NRG3: variants seen among roughly 807,000 people sequenced by gnomAD.
NRG3 encodes pro-neuregulin-3, membrane-bound isoform.
Under a neutral mutation model 66.9 loss-of-function variants are expected in NRG3, and 31 were observed. That is an observed-to-expected ratio of 0.46 (90% CI 0.35 to 0.63). NRG3 has a LOEUF of 0.63. NRG3 is among the 20% of genes least tolerant of loss of function. The pLI is 0.00. For missense variants in NRG3, 910 were observed against 878.9 expected (o/e 1.04, Z -0.45); for synonymous variants, 393 against 359.4 (o/e 1.09, Z -1.06).
At chr10:82,527,543 T>C (rs1367558895) in intron 2 of NRG3, among the ~76,000 whole-genome samples, 2 of 152,242 alleles carry the variant, frequency 1.3e-5, no homozygotes, top group South Asian at 2.1e-4. Context: ...ATTTGACAAA[T>C]AAGAAGATTT....
At chr10:82,111,744 A>G (rs776314597) in intron 1 of NRG3, among the ~76,000 whole-genome samples, 2 of 152,322 alleles carry the variant, frequency 1.3e-5, no homozygotes, top group Non-Finnish European at 2.9e-5. Flanking sequence ...CCATCTGACT[A>G]TAACATTTCT....
chr10:82,683,949 T>TTGCCTGCATGCTAC (rs1335363714), intron 2 of NRG3, among the ~76,000 whole-genome samples: 2 of 152,214 alleles, frequency 1.3e-5, no homozygotes, highest in East Asian at 3.9e-4. Context: ...GAGGTGCTAT[T>TTGCCTGCATGCTAC]TGCCTGCATG....
At chr10:82,159,581 C>T (rs1398158643) in intron 1 of NRG3, among the ~76,000 whole-genome samples, 1 of 151,820 alleles carries the variant, frequency 6.6e-6, no homozygotes, top group East Asian at 1.9e-4. Flanking sequence ...GTTCTTTATA[C>T]AGAATATTTT....
chr10:82,685,144 C>G (rs1024612044), intron 2 of NRG3, among the ~76,000 whole-genome samples: 3 of 152,124 alleles, frequency 2.0e-5, no homozygotes, highest in Admixed American at 1.3e-4. Flanking sequence ...GAGGCCCCCC[C>G]CAAAACTTAA....
intron 1 of NRG3, among the ~76,000 whole-genome samples, chr10:82,306,816 C>T (rs890389255): frequency 2.0e-5 from 3 of 147,666 alleles, no homozygotes; most frequent in Non-Finnish European, 1.5e-5. Flanking sequence ...TTGACAACTT[C>T]ATATATTTTG....
At chr10:81,934,478 A>G (rs1229705480) in intron 1 of NRG3, among the ~76,000 whole-genome samples, 1 of 152,200 alleles carries the variant, frequency 6.6e-6, no homozygotes, top group African/African-American at 2.4e-5. Flanking sequence ...CTTCTATCAT[A>G]CAACAATGGA....
intron 2 of NRG3, among the ~76,000 whole-genome samples, chr10:82,548,038 C>CA (rs2044042718): frequency 2.2e-5 from 2 of 92,062 alleles, no homozygotes; most frequent in African/African-American, 1.4e-4. Context: ...ACTCATGCCA[C>CA]GTTTTTTTTT....
intron 3 of NRG3, among the ~76,000 whole-genome samples, chr10:82,758,729 G>T (rs1054068015): frequency 2.0e-5 from 3 of 151,948 alleles, no homozygotes; most frequent in Non-Finnish European, 4.4e-5. Flanking sequence ...GTGGTCAGTG[G>T]TCAAATGAAT....
chr10:82,949,018 A>G (rs1163584873), intron 4 of NRG3, among the ~76,000 whole-genome samples: 1 of 152,160 alleles, frequency 6.6e-6, no homozygotes. Context: ...TTTCACAGCT[A>G]GATATAGATT....
At chr10:82,405,262 C>T (rs1307025624) in intron 2 of NRG3, among the ~76,000 whole-genome samples, 1 of 151,988 alleles carries the variant, frequency 6.6e-6, no homozygotes, top group South Asian at 2.1e-4. Context: ...CAGGGGCAAG[C>T]GCATCTAAGG....
At chr10:82,968,385 T>G (rs1282274307) in intron 6 of NRG3, among the ~76,000 whole-genome samples, 1 of 152,172 alleles carries the variant, frequency 6.6e-6, no homozygotes, top group Non-Finnish European at 1.5e-5. Context: ...TAATAAATTC[T>G]GGAAACACAT....
At chr10:82,302,225 A>G (rs1205212616) in intron 1 of NRG3, among the ~76,000 whole-genome samples, 1 of 152,034 alleles carries the variant, frequency 6.6e-6, no homozygotes, top group Admixed American at 6.6e-5. Flanking sequence ...TATTTATTTT[A>G]CTAGCATTAC....
chr10:82,355,786 T>C (rs1248959448), intron 1 of NRG3, among the ~76,000 whole-genome samples: 1 of 152,198 alleles, frequency 6.6e-6, no homozygotes, highest in Non-Finnish European at 1.5e-5. Flanking sequence ...AGGTGGGTAA[T>C]ACTATGTAGA....
chr10:82,465,807 G>A lies in NRG3; in HGVS notation c.953+106939G>A, dbSNP rs532895835. On this transcript the variant is annotated intron_variant, in intron 2 of 8. Coordinates refer to ENST00000372141, the MANE Select transcript of NRG3 (RefSeq NM_001010848.4). The stretch of plus-strand genomic sequence containing the variant: ...GTAGAGCCATCATGTTAATTCTGCT[G>A]GGCCTTTTTCAATACCTTTAAAATG... 2.6e-5 allele frequency among the ~76,000 whole-genome samples: 4 copies of A among 152,218 alleles called. No homozygotes were observed. In the East Asian group the frequency reaches 7.7e-4, roughly 29 times the overall value.
intron 1 of NRG3, among the ~76,000 whole-genome samples, chr10:82,245,617 A>G (rs1235177298): frequency 6.6e-6 from 1 of 152,226 alleles, no homozygotes; most frequent in South Asian, 2.1e-4. Flanking sequence ...CTATAAAAAG[A>G]GAAACATGGC....
chr10:81,945,155 G>A (rs570981120), intron 1 of NRG3, among the ~76,000 whole-genome samples: 31 of 152,198 alleles, frequency 2.0e-4, no homozygotes, highest in Admixed American at 1.7e-3. Flanking sequence ...TGTCACAACT[G>A]GATTGGACCT....
chr10:82,721,293 G>A (rs1396568962), intron 2 of NRG3, among the ~76,000 whole-genome samples: 6 of 150,602 alleles, frequency 4.0e-5, no homozygotes, highest in Admixed American at 2.6e-4. Flanking sequence ...CACCATGCCC[G>A]GCTAATTTTT....
Position 82,698,146 on chromosome 10 carries a change from C to A in NRG3, c.954-40431C>A, listed in dbSNP as rs1025344699. Among the ~76,000 whole-genome samples the A allele has an allele frequency of 2.0e-4, 31 of 151,464 alleles. 1 individual carries two copies. The highest frequency in any genetic ancestry group is 1.5e-5 in the Non-Finnish European group (1 of 67,910). On this transcript the variant is annotated intron_variant, in intron 2 of 8. Transcript: ENST00000372141. ...GGTGAAACATGTAAATAAGGAGAAC[C>A]CAAAAGCATCTCAGTTCATAACACG...
At chr10:82,503,635 A>G (rs1460681314) in intron 2 of NRG3, among the ~76,000 whole-genome samples, 3 of 152,190 alleles carry the variant, frequency 2.0e-5, no homozygotes, top group Non-Finnish European at 2.9e-5. Context: ...TTCCAGGCCA[A>G]TAATTTAAAT....
Sources: allele counts gnomAD v4.1 joint callset (sites outside exome capture counted in the v4.1 genomes callset), GRCh38; gene constraint gnomAD v4.1.1; transcripts MANE v1.5; gene names NCBI Gene and HGNC (gene_info 2026-07-23, HGNC 2026-07-21).